PLEC: variants seen among roughly 807,000 people sequenced by gnomAD.
PLEC encodes hemidesmosomal protein 1.
A neutral mutation model predicts 392.8 loss-of-function variants in PLEC; 216 were observed. That is an observed-to-expected ratio of 0.55 (90% confidence interval 0.49 to 0.62). The LOEUF (loss-of-function observed/expected upper bound fraction) is 0.62, where lower values mean the gene tolerates loss of function less well. Among genes scored for constraint, PLEC ranks in the 20% least tolerant of loss-of-function variants. The probability of loss-of-function intolerance (pLI) is 0.00; values close to 1 mark genes in which losing one functional copy is unlikely to be tolerated. For synonymous variants in PLEC, 3,621 were observed against 2,980.6 expected, an observed-to-expected ratio of 1.21 and a Z score of -7.00; for missense variants, 6,863 against 6,563.4, an observed-to-expected ratio of 1.05 and a Z score of -1.58.
chr8:143,921,190 C>G lies in PLEC; in HGVS notation c.8631G>C (p.Thr2877=). Residue 2877 remains threonine (T), a synonymous_variant, in exon 32 of 32, where the codon ACG becomes ACC. Coordinates refer to ENST00000345136, the MANE Select transcript of PLEC (RefSeq NM_201384.3). ...LLERCVEDPE[T]GLCLLPLTDK... is the part of the protein sequence containing the mutation. ...CCGTGAGTGGCAGAAGGCACAGGCCCGTCTCGGGGTCCTCCACGCAGCGCT... is the reference window on the plus strand; with the variant it reads ...CCGTGAGTGGCAGAAGGCACAGGCCGGTCTCGGGGTCCTCCACGCAGCGCT... The G allele has an allele frequency of 6.2e-7, 1 of 1,613,962 alleles. No homozygotes were observed. The highest frequency in any genetic ancestry group is 1.7e-5 in the Admixed American group (1 of 60,024).
Position 143,923,362 on chromosome 8 carries a change from T to C in PLEC, c.6567A>G (p.Thr2189=), listed in dbSNP as rs368330326. The change falls in exon 31 of 32, where the codon ACA becomes ACG. Residue 2189 remains threonine (T), a synonymous_variant. Coordinates refer to ENST00000345136, the MANE Select transcript of PLEC (RefSeq NM_201384.3). ...RQKAQVEQEL[T]TLRLQLEETD... The stretch of plus-strand genomic sequence containing the variant: ...TCTCCTCCAGCTGCAGCCGCAGTGT[T>C]GTCAGCTCCTGCTCCACCTGCGCCT... 6 of 1,610,518 alleles carry C rather than the reference T, an allele frequency of 3.7e-6. No individual in the cohort carries two copies. The African/African-American group carries it at 4.0e-5, about 11-fold the overall frequency.
rs781842939 is a variant in PLEC, at chr8:143,922,962, T to G, written c.6967A>C (p.Thr2323Pro). ...AGTTCCGCCTCAGCCTTGAGTCGCG[T>G]GGCCTCCTGCACCGCCTGCATCTTC... Reference protein sequence around the residue: ...KEKMQAVQEATRLKAEAELLQ... With the variant: ...KEKMQAVQEAPRLKAEAELLQ... The change falls in exon 31 of 32, where the codon ACG becomes CCG. Residue 2323 changes from threonine (T) to proline (P), a missense_variant. Physicochemically the swap from Thr to Pro is conservative, Grantham distance 38. Coordinates refer to ENST00000345136, the MANE Select transcript of PLEC (RefSeq NM_201384.3). The G allele has an allele frequency of 6.2e-6, 10 of 1,610,502 alleles. No homozygotes were observed. Among genetic ancestry groups the G allele is most frequent in the Non-Finnish European group, 7.6e-6 (9 of 1,178,866 alleles).
rs114353607 is a variant in PLEC at position 143,949,955 on chromosome 8, T to G, written c.523+229A>C. Among the ~76,000 whole-genome samples, 5,467 of 151,982 alleles carry G rather than the reference T, an allele frequency of 0.036. 261 individuals are homozygous for G. Among genetic ancestry groups the G allele is most frequent in the African/African-American group, 0.11 (4,498 of 41,452 alleles). On this transcript the variant is annotated intron_variant, in intron 1 of 31. Transcript: ENST00000322810. ...GGGGTGTGCCTGGGCCACAGGCTCCTCCTTGGCCTACACACCCGAAGGTCC... is the reference window on the plus strand; with the variant it reads ...GGGGTGTGCCTGGGCCACAGGCTCCGCCTTGGCCTACACACCCGAAGGTCC...
chr8:143,936,649 G>A (rs1214937035), intron 5 of PLEC, among the ~76,000 whole-genome samples: 1 of 152,244 alleles, frequency 6.6e-6, no homozygotes, highest in Non-Finnish European at 1.5e-5. Context: ...GCCAGGACAA[G>A]CAGCGGGTGA....
rs199960172 is a variant in PLEC at position 143,916,278 on chromosome 8, T to C, written c.13543A>G (p.Met4515Val). ...GAGTAGGAGGATGAAGAGAAGGTCA[T>C]GGAGAAGCCGGAGCCGGTGGCGTCA... ...SFDATGSGFS[M>V]TFSSSSYSSS... Residue 4515 changes from methionine (M) to valine (V), a missense_variant, in exon 32 of 32, where the codon ATG becomes GTG. Met to Val is a conservative substitution (Grantham distance 21, BLOSUM62 1). Transcript: ENST00000345136. 2.2e-5 allele frequency: 35 copies of C among 1,559,352 alleles called. No individual in the cohort carries two copies. The highest frequency in any genetic ancestry group is 2.0e-4 in the African/African-American group (15 of 73,240).
Position 143,916,733 on chromosome 8 carries a change from C to A in PLEC, c.13088G>T (p.Arg4363Leu). Residue 4363 changes from arginine to leucine, a missense_variant, in exon 32 of 32, where the codon CGC (arginine) becomes CTC (leucine). Arg to Leu is a moderately radical substitution (Grantham distance 102, BLOSUM62 -2). Coordinates refer to ENST00000345136, the MANE Select transcript of PLEC (RefSeq NM_201384.3). ...QKAFCGFEDP[R>L]TKTKMSAAQA... ...GGCGGCCGACATCTTGGTCTTGGTG[C>A]GTGGGTCCTCGAAGCCGCAGAAGGC... is the stretch of plus-strand genomic sequence containing the variant. 6.2e-7 allele frequency: 1 copy of A among 1,613,080 alleles called. No homozygotes were observed. Among genetic ancestry groups the A allele is most frequent in the Non-Finnish European group, 8.5e-7 (1 of 1,179,960 alleles).
At chr8:143,948,484 G>A (rs781988285) in intron 1 of PLEC, among the ~76,000 whole-genome samples, 8 of 152,304 alleles carry the variant, frequency 5.3e-5, no homozygotes, top group East Asian at 1.9e-4. Context: ...CCCCACATCC[G>A]AGCCGCCTCC....
chr8:143,952,051 T>TG (rs1229968515), upstream of PLEC, among the ~76,000 whole-genome samples: 9 of 150,552 alleles, frequency 6.0e-5, no homozygotes, highest in African/African-American at 7.3e-5. Flanking sequence ...AATAGGGCGG[T>TG]GGGGGGGAGT....
upstream of PLEC, chr8:143,953,827 A>G (rs1832435559): frequency 6.2e-7 from 1 of 1,607,036 alleles, no homozygotes; most frequent in African/African-American, 1.3e-5. Context: ...CCAGCCCCGC[A>G]CCGCACTGCC....
Position 143,921,947 on chromosome 8 carries a change from G to A in PLEC, c.7874C>T (p.Thr2625Ile), listed in dbSNP as rs782438460. The change falls in exon 32 of 32, where the codon ACC becomes ATC. Residue 2625 changes from threonine to isoleucine, a missense_variant. Transcript: ENST00000345136. ...VTASQVAATK[T>I]LPNGRDALDG... ...AAGTGCATCCCGGCCATTGGGCAGG[G>A]TCTTTGTGGCAGCCACCTGCGAGGC... 1.9e-6 allele frequency: 3 copies of A among 1,599,212 alleles called. No individual in the cohort carries two copies. The highest frequency in any genetic ancestry group is 1.3e-5 in the African/African-American group (1 of 75,054).
rs1554700434 is a variant in PLEC, at chr8:143,925,048, TGCCTCCTCGCGCGCCCGCTCG to T, written c.4860_4880del (p.Ala1623_Arg1629del). Reference sequence around the variant, plus strand: ...GCTGCCAGCGCTCCAGCTCCCGCTCTGCCTCCTCGCGCGCCCGCTCGGCCTCGGCCTGCTGCTGTGCCCGCC... The same window carrying T: ...GCTGCCAGCGCTCCAGCTCCCGCTCTGCCTCGGCCTGCTGCTGTGCCCGCC... On this transcript the variant is annotated inframe_deletion, in exon 31 of 32. Transcript: ENST00000345136. 6.4e-7 allele frequency: 1 copy of T among 1,551,364 alleles called. No homozygotes were observed. The highest frequency in any genetic ancestry group is 1.7e-4 in the Middle Eastern group (1 of 5,742).
chr8:143,946,569 G>T, intron 1 of PLEC: 1 of 383,666 alleles, frequency 2.6e-6, no homozygotes, highest in Non-Finnish European at 5.0e-6. Flanking sequence ...TGACGGGTCA[G>T]ACCAGCCCAG....
rs1554715914 is a variant in PLEC, at chr8:143,931,940, A to C, written c.2175T>G (p.Phe725Leu). ...EAHLKENAAY[F>L]QFFSDVREAE... ...CGGAGGGGGCTCCGGTTCTCACCTG[A>C]AAGTAGGCAGCGTTCTCCTTCAGGT... The change falls in exon 18 of 32, where the codon TTT (phenylalanine) becomes TTG (leucine). Residue 725 changes from phenylalanine to leucine, a missense_variant. By Grantham distance (22) the Phe-to-Leu change is conservative. Transcript: ENST00000345136. The C allele has an allele frequency of 1.2e-6, 2 of 1,605,622 alleles. No homozygotes were observed. The highest frequency in any genetic ancestry group is 1.1e-5 in the South Asian group (1 of 89,778).
rs1554710424 is a variant in PLEC, at chr8:143,929,200, C to G, written c.3163G>C (p.Glu1055Gln). 1.2e-6 allele frequency: 2 copies of G among 1,602,358 alleles called. No individual in the cohort carries two copies. The highest frequency in any genetic ancestry group is 3.4e-5 in the Admixed American group (2 of 59,090). Reference protein sequence around the residue: ...AEAEKVLALPEPSPAAPTLRS... With the variant: ...AEAEKVLALPQPSPAAPTLRS... ...AGCGTGGGGGCCGCAGGCGATGGCT[C>G]TGGTAGGGCCAAGACCTTCTCGGCC... The change falls in exon 25 of 32, where the codon GAG becomes CAG. Residue 1055 changes from glutamate (E) to glutamine (Q), a missense_variant. Physicochemically the swap from Glu to Gln is conservative, Grantham distance 29. Coordinates refer to ENST00000345136, the MANE Select transcript of PLEC (RefSeq NM_201384.3).
At position 143,926,805 on chromosome 8, in the gene PLEC, C is replaced by A; in HGVS notation, c.4023G>T (p.Leu1341=). The A allele has an allele frequency of 1.2e-6, 2 of 1,613,824 alleles. No homozygotes were observed. The highest frequency in any genetic ancestry group is 8.5e-7 in the Non-Finnish European group (1 of 1,179,930). ...GTACCTCCTCCTCCTCCATGCGCCG[C>A]AGAGTCTCGCTGATGAACTTGATGT... ...SQYIKFISET[L]RRMEEEERLA... The change falls in exon 30 of 32, where the codon CTG becomes CTT. Residue 1341 remains leucine, a synonymous_variant. Coordinates refer to ENST00000345136, the MANE Select transcript of PLEC (RefSeq NM_201384.3).
At chr8:143,946,488 A>C in intron 1 of PLEC, 4 of 909,854 alleles carry the variant, frequency 4.4e-6, no homozygotes, top group East Asian at 6.7e-5. Context: ...GGGCCCACTC[A>C]TGCCCTGGTA....
chr8:143,918,969 T>C lies in PLEC; in HGVS notation c.10852A>G (p.Met3618Val), dbSNP rs376442504. The stretch of plus-strand genomic sequence containing the variant: ...ATGATCTCGATGATGATGATGATCA[T>C]GCGTTCCTTGGTCACCCGGCCGGCC... Reference protein sequence around the residue: ...FQAGRVTKERMIIIIIEIIEK... With the variant: ...FQAGRVTKERVIIIIIEIIEK... The change falls in exon 32 of 32, where the codon ATG becomes GTG. Residue 3618 changes from methionine to valine, a missense_variant. Coordinates refer to ENST00000345136, the MANE Select transcript of PLEC (RefSeq NM_201384.3). The C allele has an allele frequency of 2.9e-5, 46 of 1,610,914 alleles. No individual in the cohort carries two copies. The highest frequency in any genetic ancestry group is 2.7e-4 in the African/African-American group (20 of 75,054).
intron 1 of PLEC, among the ~76,000 whole-genome samples, chr8:143,959,225 ACAACT>A (rs1428782771): frequency 6.6e-6 from 1 of 152,220 alleles, no homozygotes; most frequent in Non-Finnish European, 1.5e-5. Flanking sequence ...GGCACCTGAA[ACAACT>A]CAACTCACCA....
chr8:143,933,364 T>C lies in PLEC; in HGVS notation c.1264-13A>G. 1 of 1,608,818 alleles carries C rather than the reference T, an allele frequency of 6.2e-7. No homozygotes were observed. The highest frequency in any genetic ancestry group is 1.1e-5 in the South Asian group (1 of 91,086). ...GCAGCCGGACATCCTGCAAGGTCGTTGCCATGACTCGGAGCACAGCTGATC... is the reference window on the plus strand; with the variant it reads ...GCAGCCGGACATCCTGCAAGGTCGTCGCCATGACTCGGAGCACAGCTGATC... On this transcript the variant is annotated splice_polypyrimidine_tract_variant and intron_variant, in intron 12 of 31. Coordinates refer to ENST00000345136, the MANE Select transcript of PLEC (RefSeq NM_201384.3).
Sources: allele counts gnomAD v4.1 joint callset (sites outside exome capture counted in the v4.1 genomes callset), GRCh38; gene constraint gnomAD v4.1.1; transcripts MANE v1.5; gene names NCBI Gene and HGNC (gene_info 2026-07-23, HGNC 2026-07-21).